Variants in ZNF91 observed in about 807,000 individuals in gnomAD.
The protein encoded by ZNF91 is zinc finger protein 91 (HPF7, HTF10).
Under a neutral mutation model 12.6 loss-of-function variants are expected in ZNF91, and 7 were observed. That is an observed-to-expected ratio of 0.55 (90% CI 0.31 to 1.04). ZNF91 has a LOEUF of 1.04. Ranked by LOEUF, ZNF91 falls within the 50% of genes least tolerant of loss-of-function variation. The pLI is 0.05. For missense variants in ZNF91, 1,217 were observed against 1,385.4 expected (o/e 0.88, Z 1.93); for synonymous variants, 453 against 462.6 (o/e 0.98, Z 0.27).
chr19:23,375,185 G>T (rs1320704297), intron 1 of ZNF91, among the ~76,000 whole-genome samples: 1 of 150,516 alleles, frequency 6.6e-6, no homozygotes, highest in East Asian at 1.9e-4. Context: ...TTTTGAGACA[G>T]AGTCTCACTC....
intron 1 of ZNF91, among the ~76,000 whole-genome samples, chr19:23,323,472 TCTC>T (rs1303907234): frequency 4.0e-5 from 5 of 125,686 alleles, no homozygotes; most frequent in Admixed American, 3.7e-4. Flanking sequence ...TCTGTCCTCT[TCTC>T]CTCCGTCTTC....
At chr19:23,372,364 G>A (rs1204488654) in intron 3 of ZNF91, among the ~76,000 whole-genome samples, 2 of 152,112 alleles carry the variant, frequency 1.3e-5, no homozygotes, top group African/African-American at 2.4e-5. Flanking sequence ...ATTAAAGTTG[G>A]AGAACTGCTT....
chr19:23,337,806 T>C (rs2145878154), downstream of ZNF91: 1 of 152,236 alleles, frequency 6.6e-6, no homozygotes, highest in South Asian at 2.1e-4. Flanking sequence ...ATAGATATCT[T>C]TTAATAGAAA....
intron 1 of ZNF91, among the ~76,000 whole-genome samples, chr19:23,320,263 T>A (rs940426735): frequency 1.3e-5 from 2 of 152,144 alleles, no homozygotes; most frequent in African/African-American, 4.8e-5. Flanking sequence ...TGGGGAGGTG[T>A]TGACTCTCAT....
rs12978847 is a variant in ZNF91 at position 23,361,458 on chromosome 19, T to C, written c.1521A>G (p.Lys507=). 1 of 1,613,414 alleles carries C rather than the reference T, an allele frequency of 6.2e-7. No individual in the cohort carries two copies. Among genetic ancestry groups the C allele is most frequent in the Non-Finnish European group, 8.5e-7 (1 of 1,179,596 alleles). ...KAFRQSSTLT[K]HKIIHTGEKP... is the part of the protein sequence containing the mutation. ...TCTCTCCAGTATGAATTATCTTATG[T>C]TTAGTAAGGGTTGAGGATTGCCTAA... The change falls in exon 4 of 4, where the codon AAA becomes AAG. Residue 507 remains lysine (K), a synonymous_variant. Coordinates refer to ENST00000300619, the MANE Select transcript of ZNF91 (RefSeq NM_003430.4).
intron 1 of ZNF91, among the ~76,000 whole-genome samples, chr19:23,389,978 G>A (rs565512192): frequency 6.6e-6 from 1 of 152,270 alleles, no homozygotes; most frequent in South Asian, 2.1e-4. Context: ...GCTACTCACA[G>A]AACTCAGCGG....
chr19:23,391,628 T>A (rs1055472458), intron 1 of ZNF91, among the ~76,000 whole-genome samples: 12 of 152,214 alleles, frequency 7.9e-5, no homozygotes, highest in Non-Finnish European at 1.6e-4. Flanking sequence ...GTCTAGAAAC[T>A]GCCTCAAAAC....
At chr19:23,333,123 T>C (rs1967953443) in intron 1 of ZNF91, among the ~76,000 whole-genome samples, 1 of 152,208 alleles carries the variant, frequency 6.6e-6, no homozygotes, top group African/African-American at 2.4e-5. Context: ...ACACCCACTT[T>C]TAACCTCACT....
rs753746092 is a variant in ZNF91, at chr19:23,360,343, T to G, written c.2636A>C (p.Glu879Ala). The change falls in exon 4 of 4, where the codon GAG becomes GCG. Residue 879 changes from glutamate (E) to alanine (A), a missense_variant. Physicochemically the swap from Glu to Ala is moderately radical, Grantham distance 107. Coordinates refer to ENST00000300619, the MANE Select transcript of ZNF91 (RefSeq NM_003430.4). ...ACATTCTTCACTCTTGGAAGGTTTC[T>G]CTTTAGTATGAATTATCTTATGTGT... Reference protein sequence around the residue: ...LTTHKIIHTKEKPSKSEECDK... With the variant: ...LTTHKIIHTKAKPSKSEECDK... 3.7e-6 allele frequency: 6 copies of G among 1,614,118 alleles called. No individual in the cohort carries two copies. The highest frequency in any genetic ancestry group is 4.2e-6 in the Non-Finnish European group (5 of 1,180,002).
At chr19:23,332,719 G>A (rs1478490474) in intron 1 of ZNF91, among the ~76,000 whole-genome samples, 1 of 152,252 alleles carries the variant, frequency 6.6e-6, no homozygotes, top group Middle Eastern at 3.4e-3. Context: ...AATATTTGAC[G>A]ACATAAGTGG....
upstream of ZNF91, among the ~76,000 whole-genome samples, chr19:23,312,869 A>T (rs762863106): frequency 6.6e-6 from 1 of 152,230 alleles, no homozygotes; most frequent in Non-Finnish European, 1.5e-5. Context: ...TCATCTTCCC[A>T]CATGAACACA....
intron 3 of ZNF91, among the ~76,000 whole-genome samples, chr19:23,348,433 T>C (rs902693519): frequency 1.3e-5 from 2 of 152,242 alleles, no homozygotes; most frequent in African/African-American, 2.4e-5. Flanking sequence ...TGAACATAAA[T>C]TGTGAAGATT....
chr19:23,367,223 T>C (rs969459301), intron 3 of ZNF91, among the ~76,000 whole-genome samples: 4 of 152,172 alleles, frequency 2.6e-5, no homozygotes, highest in Non-Finnish European at 5.9e-5. Flanking sequence ...GCCCAGTAGG[T>C]TGAGGCTGCA....
At chr19:23,309,766 G>C (rs1967444762) in intron 1 of ZNF91, among the ~76,000 whole-genome samples, 2 of 152,132 alleles carry the variant, frequency 1.3e-5, no homozygotes, top group African/African-American at 4.8e-5. Context: ...TTTCTGTATG[G>C]AGGTTATAAA....
chr19:23,366,728 G>A (rs1435444725), intron 3 of ZNF91, among the ~76,000 whole-genome samples: 3 of 152,196 alleles, frequency 2.0e-5, no homozygotes, highest in African/African-American at 7.2e-5. Context: ...AATTAATAAA[G>A]TGCACACATT....
intron 3 of ZNF91, among the ~76,000 whole-genome samples, chr19:23,346,380 T>C (rs954151237): frequency 6.6e-6 from 1 of 152,056 alleles, no homozygotes; most frequent in Non-Finnish European, 1.5e-5. Context: ...CCCACTGAGA[T>C]TATCAAGATG....
rs1789731091 is a variant in ZNF91 at position 23,359,176 on chromosome 19, G to C, written c.*227C>G. 6.0e-6 allele frequency: 3 copies of C among 503,694 alleles called. No homozygotes were observed. The highest frequency in any genetic ancestry group is 3.2e-5 in the Admixed American group (1 of 31,534). The allele number at this position is 503,694 out of a possible 1,614,324, so 31.2% of individuals were successfully genotyped here. ...AGTAAAGGTTGAAGACCGGTTAAAA[G>C]ATTTGCCACATTCTTTATATTTGTA... On this transcript the variant is annotated 3_prime_UTR_variant, in exon 4 of 4. Transcript: ENST00000300619.
intron 1 of ZNF91, among the ~76,000 whole-genome samples, chr19:23,381,930 T>A (rs1264741691): frequency 1.3e-5 from 2 of 151,666 alleles, no homozygotes; most frequent in African/African-American, 4.8e-5. Context: ...GCTTTTAGAA[T>A]GAGCAAGACT....
At chr19:23,377,278 G>A (rs1314408120) in intron 1 of ZNF91, among the ~76,000 whole-genome samples, 1 of 152,120 alleles carries the variant, frequency 6.6e-6, no homozygotes, top group Non-Finnish European at 1.5e-5. Context: ...TGGCACCTTA[G>A]AGTCACAGGA....
Sources: gnomAD v4.1 joint callset for allele counts (sites outside exome capture counted in the v4.1 genomes callset) on GRCh38, gnomAD v4.1.1 for gene constraint, MANE v1.5 for transcripts, NCBI Gene and HGNC (gene_info 2026-07-23, HGNC 2026-07-21) for gene names.